GDAP2: variants seen among roughly 807,000 people sequenced by gnomAD.
The protein encoded by GDAP2 is ganglioside induced differentiation associated protein 2.
Under a neutral mutation model 67.0 loss-of-function variants are expected in GDAP2, and 51 were observed. The observed-to-expected ratio is 0.76, with a 90% confidence interval of 0.61 to 0.96. GDAP2 has a LOEUF of 0.96. GDAP2 is among the 40% of genes least tolerant of loss of function. The pLI is 0.00. For missense variants in GDAP2, 547 were observed against 588.3 expected (o/e 0.93, Z 0.73); for synonymous variants, 203 against 207.3 (o/e 0.98, Z 0.18).
intron 13 of GDAP2, among the ~76,000 whole-genome samples, chr1:117,873,735 C>T (rs1270918046): frequency 6.6e-6 from 1 of 152,130 alleles, no homozygotes; most frequent in Non-Finnish European, 1.5e-5. Context: ...GTGGTAGCAA[C>T]ATATCCACCA....
chr1:117,882,182 C>G (rs1648672791), intron 11 of GDAP2, among the ~76,000 whole-genome samples: 1 of 151,986 alleles, frequency 6.6e-6, no homozygotes, highest in Non-Finnish European at 1.5e-5. Context: ...TAATATGATG[C>G]TAGAATCTCT....
intron 6 of GDAP2, among the ~76,000 whole-genome samples, chr1:117,905,518 C>G (rs954129166): frequency 6.6e-6 from 1 of 152,144 alleles, no homozygotes; most frequent in Non-Finnish European, 1.5e-5. Context: ...TTTCCTAACC[C>G]CGTGCCAGGC....
rs1557794423 is a variant in GDAP2, at chr1:117,878,116, C to T, written c.1339G>A (p.Gly447Arg). Residue 447 changes from glycine (G) to arginine (R), a missense_variant, in exon 13 of 14, where the codon GGA (glycine) becomes AGA (arginine). Transcript: ENST00000369443. ...TWFFTTFSVSGLKDKIHHVDS... is the reference protein window; with the variant it reads ...TWFFTTFSVSRLKDKIHHVDS... ...ACATGGTGGATTTTGTCCTTCAGTC[C>T]TGAGACAGAAAAGGTGGTAAAAAAC... is the stretch of plus-strand genomic sequence containing the variant. 6.2e-7 allele frequency: 1 copy of T among 1,604,466 alleles called. No individual in the cohort carries two copies. Among genetic ancestry groups the T allele is most frequent in the Non-Finnish European group, 8.5e-7 (1 of 1,174,594 alleles).
At chr1:117,875,779 T>C (rs1350093652) in intron 13 of GDAP2, among the ~76,000 whole-genome samples, 1 of 152,244 alleles carries the variant, frequency 6.6e-6, no homozygotes, top group Non-Finnish European at 1.5e-5. Context: ...GTTTTGGACT[T>C]ATAAGGGGCC....
intron 1 of GDAP2, among the ~76,000 whole-genome samples, chr1:117,921,066 G>A (rs776273454): frequency 3.9e-5 from 6 of 152,192 alleles, no homozygotes; most frequent in Non-Finnish European, 4.4e-5. Context: ...AAGACACACA[G>A]CGTCAAGTAC....
rs755428956 is a variant in GDAP2, at chr1:117,869,085, A to C, written c.*1484T>G. ...AGAAAAGAATGGGACCCTTGGAAGCACTGATCTGGAGCACATGATAGAACA... is the reference window on the plus strand; with the variant it reads ...AGAAAAGAATGGGACCCTTGGAAGCCCTGATCTGGAGCACATGATAGAACA... On this transcript the variant is annotated 3_prime_UTR_variant, in exon 14 of 14. Coordinates refer to ENST00000369443, the MANE Select transcript of GDAP2 (RefSeq NM_017686.4). The C allele has an allele frequency of 1.8e-4, 27 of 152,160 alleles. No individual in the cohort carries two copies. The highest frequency in any genetic ancestry group is 5.9e-4 in the Admixed American group (9 of 15,258). The allele number at this position is 152,160 out of a possible 1,614,324, so 9.4% of individuals were successfully genotyped here. A position where few individuals can be genotyped will look rare whatever the true frequency, so the allele number is the denominator to read the frequency against.
At chr1:117,922,460 A>G (rs1449708724) in intron 1 of GDAP2, among the ~76,000 whole-genome samples, 2 of 152,244 alleles carry the variant, frequency 1.3e-5, no homozygotes, top group East Asian at 3.8e-4. Flanking sequence ...CAGGACTAAT[A>G]TCAAGGGAAC....
chr1:117,894,053 T>TA (rs1478028971), intron 8 of GDAP2, among the ~76,000 whole-genome samples: 42 of 152,300 alleles, frequency 2.8e-4, no homozygotes, highest in African/African-American at 1.0e-3. Flanking sequence ...TTTAAATTAC[T>TA]GTAATATCAC....
chr1:117,896,785 T>C, intron 8 of GDAP2, 48 bp downstream of exon 8: 1 of 1,362,460 alleles, frequency 7.3e-7, no homozygotes, highest in East Asian at 2.4e-5. Context: ...GTTCCTTTCT[T>C]GCTTCTGATG....
chr1:117,919,470 T>C (rs1167531008), intron 2 of GDAP2, among the ~76,000 whole-genome samples: 1 of 152,196 alleles, frequency 6.6e-6, no homozygotes, highest in Non-Finnish European at 1.5e-5. Context: ...TTTTATTGTA[T>C]TCATTCCATT....
In GDAP2 at chr1:117,900,876, C is replaced by T. The variant is rs868147243; in HGVS notation, c.637-1660G>A. On this transcript the variant is annotated intron_variant, in intron 6 of 13. Coordinates refer to ENST00000369443, the MANE Select transcript of GDAP2 (RefSeq NM_017686.4). Reference sequence around the variant, plus strand: ...GAGATCAAGACCATCCTGGCTAACACAGTGAAACCCCGTCTCTACTAAAAA... The same window carrying T: ...GAGATCAAGACCATCCTGGCTAACATAGTGAAACCCCGTCTCTACTAAAAA... Among the ~76,000 whole-genome samples the T allele has an allele frequency of 6.0e-5, 9 of 150,230 alleles. No individual in the cohort carries two copies. The South Asian group carries it at 6.3e-4, about 11-fold the overall frequency.
At chr1:117,887,465 A>C (rs2101127526) in intron 9 of GDAP2, among the ~76,000 whole-genome samples, 1 of 152,312 alleles carries the variant, frequency 6.6e-6, no homozygotes, top group South Asian at 2.1e-4. Flanking sequence ...ATTTTTTAAA[A>C]GGGACACTAG....
chr1:117,893,619 A>C (rs1649162108), intron 8 of GDAP2, among the ~76,000 whole-genome samples: 1 of 152,332 alleles, frequency 6.6e-6, no homozygotes, highest in Middle Eastern at 3.4e-3. Context: ...TGAAAATAAA[A>C]GCCCGATTTA....
intron 2 of GDAP2, 148 bp from the exon 3 acceptor site, chr1:117,918,884 C>G: frequency 1.5e-6 from 1 of 668,508 alleles, no homozygotes; most frequent in Non-Finnish European, 2.5e-6. Context: ...AAAGAAATTT[C>G]TGACTTAAAA....
intron 13 of GDAP2, among the ~76,000 whole-genome samples, chr1:117,876,421 C>T (rs781575260): frequency 7.2e-5 from 11 of 152,058 alleles, no homozygotes; most frequent in Admixed American, 2.6e-4. Context: ...GAACCATGAA[C>T]CAAATAAATC....
chr1:117,884,423 C>T (rs1320097812), intron 10 of GDAP2, among the ~76,000 whole-genome samples: 1 of 152,174 alleles, frequency 6.6e-6, no homozygotes, highest in African/African-American at 2.4e-5. Flanking sequence ...GAGGTAACAA[C>T]TGAAGGATTA....
In GDAP2 at chr1:117,929,597, T is replaced by G. The variant is rs573729712; in HGVS notation, c.-217A>C. 1 of 152,262 alleles carries G rather than the reference T, an allele frequency of 6.6e-6. No homozygotes were observed. Among genetic ancestry groups the G allele is most frequent in the Non-Finnish European group, 1.5e-5 (1 of 68,082 alleles). 9.4% of individuals were successfully genotyped at this position (152,262 alleles called of 1,614,324 possible). A position where few individuals can be genotyped will look rare whatever the true frequency, so the allele number is the denominator to read the frequency against. ...GGAGACTGGAGTGACCAGCTGCAAATGCTCTGGGCTGCGAAACACCGGCTT... is the reference window on the plus strand; with the variant it reads ...GGAGACTGGAGTGACCAGCTGCAAAGGCTCTGGGCTGCGAAACACCGGCTT... On this transcript the variant is annotated 5_prime_UTR_variant, in exon 1 of 14. Coordinates refer to ENST00000369443, the MANE Select transcript of GDAP2 (RefSeq NM_017686.4).
At chr1:117,878,757 C>T (rs915125808) in intron 12 of GDAP2, among the ~76,000 whole-genome samples, 1 of 151,792 alleles carries the variant, frequency 6.6e-6, no homozygotes. Context: ...TGTTGGTTCC[C>T]AAAAAAAGGA....
In GDAP2 at chr1:117,925,202, C is replaced by T. The variant is rs137997661; in HGVS notation, c.-68+4246G>A. 2.4e-3 allele frequency among the ~76,000 whole-genome samples: 371 copies of T among 152,248 alleles called. 1 individual carries two copies. Among genetic ancestry groups the T allele is most frequent in the Middle Eastern group, 0.014 (4 of 294 alleles). Reference sequence around the variant, plus strand: ...ACGCAGTGGCTCACACCTGTAATCCCAGCAGTTTGGGAGGCTGAGGCGGGG... The same window carrying T: ...ACGCAGTGGCTCACACCTGTAATCCTAGCAGTTTGGGAGGCTGAGGCGGGG... On this transcript the variant is annotated intron_variant, in intron 1 of 13. Coordinates refer to ENST00000369443, the MANE Select transcript of GDAP2 (RefSeq NM_017686.4).
Sources: gnomAD v4.1 joint callset for allele counts (sites outside exome capture counted in the v4.1 genomes callset) on GRCh38, gnomAD v4.1.1 for gene constraint, MANE v1.5 for transcripts, NCBI Gene and HGNC (gene_info 2026-07-23, HGNC 2026-07-21) for gene names.